CRB1: variants seen among roughly 807,000 people sequenced by gnomAD.
CRB1 encodes crumbs cell polarity complex component 1, also known as protein crumbs homolog 1.
CRB1 carries 83 observed loss-of-function variants against 120.0 expected under a neutral mutation model. That is an observed-to-expected ratio of 0.69 (90% CI 0.58 to 0.83). The LOEUF is 0.83. Ranked by LOEUF, CRB1 falls within the 40% of genes least tolerant of loss-of-function variation. The pLI is 0.00. For missense variants in CRB1, 1,699 were observed against 1,687.6 expected, an observed-to-expected ratio of 1.01 and a Z score of -0.12; for synonymous variants, 625 against 612.5, an observed-to-expected ratio of 1.02 and a Z score of -0.30.
Position 197,401,556 on chromosome 1 carries a change from T to C in CRB1, c.1172-19444T>C, listed in dbSNP as rs114092244. 6.7e-3 allele frequency among the ~76,000 whole-genome samples: 1,027 copies of C among 152,306 alleles called. 14 individuals are homozygous for C. The highest frequency in any genetic ancestry group is 0.023 in the African/African-American group (967 of 41,576). On this transcript the variant is annotated intron_variant, in intron 5 of 11. Coordinates refer to ENST00000367400, the MANE Select transcript of CRB1 (RefSeq NM_201253.3). ...GAAATTTATTTTTGAAGAATAACCT[T>C]GAACAATTTGTCGTATTTTGTGTCT... is the stretch of plus-strand genomic sequence containing the variant.
intron 1 of CRB1, among the ~76,000 whole-genome samples, chr1:197,282,163 A>G (rs897584150): frequency 6.6e-5 from 10 of 151,726 alleles, no homozygotes; most frequent in Admixed American, 4.6e-4. Flanking sequence ...AAAAATAACT[A>G]TGTCACATAA....
intron 1 of CRB1, among the ~76,000 whole-genome samples, chr1:197,315,756 T>C (rs529628160): frequency 6.6e-6 from 1 of 152,388 alleles, no homozygotes; most frequent in African/African-American, 2.4e-5. Flanking sequence ...TTATTCAAAG[T>C]AACTTGCTCT....
At chr1:197,284,836 C>A (rs1655731777) in intron 1 of CRB1, among the ~76,000 whole-genome samples, 1 of 151,828 alleles carries the variant, frequency 6.6e-6, no homozygotes, top group Admixed American at 6.6e-5. Context: ...ACAAAGGAAT[C>A]CACTGCTTGG....
intron 5 of CRB1, among the ~76,000 whole-genome samples, chr1:197,394,807 A>AT (rs1662691196): frequency 6.6e-6 from 1 of 152,066 alleles, no homozygotes; most frequent in Non-Finnish European, 1.5e-5. Flanking sequence ...TGGAGATAAC[A>AT]TTTTTATTCA....
chr1:197,452,169 T>C lies in CRB1; in HGVS notation c.4005+9877T>C, dbSNP rs977218663. On this transcript the variant is annotated intron_variant, in intron 11 of 11. Transcript: ENST00000367400. ...TTTAGACTCTACAAGTATCCCGGTC[T>C]GTCAACCCACAGTTCAATATTCTTC... Among the ~76,000 whole-genome samples, 5 of 152,162 alleles carry C rather than the reference T, an allele frequency of 3.3e-5. No homozygotes were observed. The East Asian group carries it at 9.7e-4, about 29-fold the overall frequency.
chr1:197,205,689 G>A, the CRB1 span, among the ~76,000 whole-genome samples: 1 of 151,996 alleles, frequency 6.6e-6, no homozygotes, highest in African/African-American at 2.4e-5. Flanking sequence ...TTTTCATCAG[G>A]GATATTGATC....
At chr1:197,202,086 A>C in the CRB1 span, among the ~76,000 whole-genome samples, 1 of 152,096 alleles carries the variant, frequency 6.6e-6, no homozygotes, top group Non-Finnish European at 1.5e-5. Context: ...TTACAGGCAT[A>C]AGGAATATAA....
intron 11 of CRB1, among the ~76,000 whole-genome samples, chr1:197,451,257 A>C (rs1665958723): frequency 6.6e-6 from 1 of 152,208 alleles, no homozygotes; most frequent in African/African-American, 2.4e-5. Flanking sequence ...TGCATTTTCT[A>C]TGTATAACAT....
chr1:197,301,436 G>A (rs1247151524), intron 1 of CRB1, among the ~76,000 whole-genome samples: 1 of 152,104 alleles, frequency 6.6e-6, no homozygotes, highest in Non-Finnish European at 1.5e-5. Flanking sequence ...AAAGTTCTGG[G>A]ATTACAGGTG....
At chr1:197,204,230 G>A in the CRB1 span, among the ~76,000 whole-genome samples, 3 of 152,112 alleles carry the variant, frequency 2.0e-5, no homozygotes, top group African/African-American at 7.2e-5. Context: ...TTTTGCAATT[G>A]CAAATTGTGC....
intron 9 of CRB1, among the ~76,000 whole-genome samples, chr1:197,436,031 C>G (rs769127649): frequency 6.6e-6 from 1 of 152,028 alleles, no homozygotes; most frequent in Non-Finnish European, 1.5e-5. Flanking sequence ...TCTAAAATCC[C>G]GAAAACAGTA....
At chr1:197,370,166 G>A (rs1382165257) in intron 5 of CRB1, among the ~76,000 whole-genome samples, 1 of 151,866 alleles carries the variant, frequency 6.6e-6, no homozygotes, top group Non-Finnish European at 1.5e-5. Context: ...TCTTGAAACA[G>A]AACTTCAAAA....
intron 7 of CRB1, 34 bp downstream of exon 7, chr1:197,428,035 G>A (rs764759994): frequency 4.4e-6 from 7 of 1,582,002 alleles, no homozygotes; most frequent in African/African-American, 1.3e-5. Context: ...GGTATATACT[G>A]TATGCTAAAC....
At chr1:197,358,318 TA>T (rs1326824808) in intron 5 of CRB1, among the ~76,000 whole-genome samples, 1 of 152,236 alleles carries the variant, frequency 6.6e-6, no homozygotes, top group Non-Finnish European at 1.5e-5. Context: ...CATTATAAAT[TA>T]TTTTTTAAAT....
intron 1 of CRB1, among the ~76,000 whole-genome samples, chr1:197,311,789 A>G (rs1183769701): frequency 2.0e-5 from 3 of 151,748 alleles, no homozygotes; most frequent in Non-Finnish European, 2.9e-5. Context: ...TTTCAAGTAT[A>G]TAATACACTA....
At chr1:197,397,758 A>G (rs905143154) in intron 5 of CRB1, among the ~76,000 whole-genome samples, 2 of 152,182 alleles carry the variant, frequency 1.3e-5, no homozygotes, top group Non-Finnish European at 2.9e-5. Context: ...TGGAAAGGGT[A>G]AAATTCTAGG....
chr1:197,357,324 T>C, intron 5 of CRB1: 1 of 405,054 alleles, frequency 2.5e-6, no homozygotes, highest in South Asian at 2.5e-5. Context: ...TTTTATGCTA[T>C]CAAATTTGAT....
chr1:197,356,778 T>G lies in CRB1; in HGVS notation c.989-53T>G, dbSNP rs2786098. On this transcript the variant is annotated intron_variant, in intron 4 of 11. Coordinates refer to ENST00000367400, the MANE Select transcript of CRB1 (RefSeq NM_201253.3). ...AGTCAACCTCCTTTTAGGCAAATGC[T>G]CTATAATTCAACACCTTTGACTTAG... The G allele has an allele frequency of 0.8, 1,270,798 of 1,583,332 alleles. 511,639 individuals carry two copies. Among genetic ancestry groups the G allele is most frequent in the African/African-American group, 0.91 (67,871 of 74,368 alleles).
At chr1:197,251,458 A>G in the CRB1 span, among the ~76,000 whole-genome samples, 2 of 151,990 alleles carry the variant, frequency 1.3e-5, no homozygotes, top group Non-Finnish European at 2.9e-5. Context: ...TGCGTGGAAT[A>G]CAGTTGGTAA....
Sources: allele counts gnomAD v4.1 joint callset (sites outside exome capture counted in the v4.1 genomes callset), GRCh38; gene constraint gnomAD v4.1.1; transcripts MANE v1.5; gene names NCBI Gene and HGNC (gene_info 2026-07-23, HGNC 2026-07-21).